Variants in PDXK observed in about 807,000 individuals in gnomAD.
The protein encoded by PDXK is pyridoxal kinase.
A neutral mutation model predicts 43.2 loss-of-function variants in PDXK; 15 were observed. That is an observed-to-expected ratio of 0.35 (90% CI 0.23 to 0.53). The LOEUF is 0.53. PDXK is among the 20% of genes least tolerant of loss of function. PDXK has a pLI of 0.92. For synonymous variants in PDXK, 172 were observed against 165.4 expected, an observed-to-expected ratio of 1.04 and a Z score of -0.31; for missense variants, 343 against 417.0, an observed-to-expected ratio of 0.82 and a Z score of 1.54.
In PDXK at chr21:43,734,138, C is replaced by G. The variant is rs760569401; in HGVS notation, c.142+15C>G. The G allele has an allele frequency of 1.9e-6, 3 of 1,612,704 alleles. No homozygotes were observed. The highest frequency in any genetic ancestry group is 1.7e-6 in the Non-Finnish European group (2 of 1,178,718). ...AAACCACACAGGTAAGGCGTTGGCT[C>G]CAGCAGCTGGCATAGAGCAGACTGT... On this transcript the variant is annotated intron_variant, in intron 2 of 10. Coordinates refer to ENST00000291565, the MANE Select transcript of PDXK (RefSeq NM_003681.5). This position sits in a 1 kb window ranked among gnomAD's most constrained non-coding sequence, Gnocchi z 5.0.
rs897179202 is a variant in PDXK, at chr21:43,757,519, C to G, written c.*1456C>G. The G allele has an allele frequency of 6.6e-6, 1 of 152,246 alleles. No homozygotes were observed. The highest frequency in any genetic ancestry group is 2.4e-5 in the African/African-American group (1 of 41,468). The allele number at this position is 152,246 out of a possible 1,614,324, so 9.4% of individuals were successfully genotyped here. ...GCCCATACCCTCCTGTGAGGCCATTCCAGTGTCTTCTAGAAAGACTCGCTT... is the reference window on the plus strand; with the variant it reads ...GCCCATACCCTCCTGTGAGGCCATTGCAGTGTCTTCTAGAAAGACTCGCTT... On this transcript the variant is annotated 3_prime_UTR_variant, in exon 11 of 11. Coordinates refer to ENST00000291565, the MANE Select transcript of PDXK (RefSeq NM_003681.5).
At chr21:43,748,703 C>T (rs946233850) in intron 5 of PDXK, among the ~76,000 whole-genome samples, 2 of 152,138 alleles carry the variant, frequency 1.3e-5, no homozygotes, top group African/African-American at 4.8e-5. Flanking sequence ...TCCCTCCCTC[C>T]CTCTCTCCTT....
At position 43,737,177 on chromosome 21, in the gene PDXK, G is replaced by A; in HGVS notation, c.142+3054G>A. 1 of 1,452,608 alleles carries A rather than the reference G, an allele frequency of 6.9e-7. No individual in the cohort carries two copies. The highest frequency in any genetic ancestry group is 1.4e-5 in the South Asian group (1 of 70,498). The allele number at this position is 1,452,608 out of a possible 1,614,324, so 90.0% of individuals were successfully genotyped here. ...GCCACAAAGCCAGACTCCCGGCAGG[G>A]ACACGGGTGTTCCACACAAGCTGCG... On this transcript the variant is annotated intron_variant, in intron 2 of 10. Coordinates refer to ENST00000291565, the MANE Select transcript of PDXK (RefSeq NM_003681.5). The surrounding 1 kb of genome is among the most constrained non-coding windows in gnomAD (Gnocchi z 4.8).
At chr21:43,750,847 T>TGC (rs71197857) in intron 7 of PDXK, among the ~76,000 whole-genome samples, 13,153 of 151,596 alleles carry the variant, frequency 0.087, 630 homozygotes, top group Non-Finnish European at 0.11. Flanking sequence ...CGTGTGTGTG[T>TGC]GCACATGTGC....
intron 7 of PDXK, 25 bp downstream of exon 7, chr21:43,750,570 G>T (rs751359279): frequency 6.3e-7 from 1 of 1,597,736 alleles, no homozygotes; most frequent in Middle Eastern, 1.7e-4. Flanking sequence ...TGGGGCCTGT[G>T]CGGGGCACAT....
At chr21:43,744,838 A>G (rs1259600826) in intron 4 of PDXK, among the ~76,000 whole-genome samples, 1 of 152,234 alleles carries the variant, frequency 6.6e-6, no homozygotes, top group African/African-American at 2.4e-5. Flanking sequence ...CGTTGTTCCC[A>G]GTGACCAAAT....
At position 43,753,017 on chromosome 21, in the gene PDXK, G is replaced by A. The variant is rs148790594; in HGVS notation, c.622+388G>A. ...GCCATGCACTAAGCTAGTGGCCGCGGGTTCATACCCATGGGCCCAAAAGAA... is the reference window on the plus strand; with the variant it reads ...GCCATGCACTAAGCTAGTGGCCGCGAGTTCATACCCATGGGCCCAAAAGAA... On this transcript the variant is annotated intron_variant, in intron 8 of 10. Coordinates refer to ENST00000291565, the MANE Select transcript of PDXK (RefSeq NM_003681.5). 2.5e-3 allele frequency among the ~76,000 whole-genome samples: 386 copies of A among 152,328 alleles called. 2 individuals carry two copies. Among genetic ancestry groups the A allele is most frequent in the African/African-American group, 9.0e-3 (374 of 41,568 alleles).
At chr21:43,722,516 A>C (rs958257933) in intron 1 of PDXK, among the ~76,000 whole-genome samples, 2 of 152,224 alleles carry the variant, frequency 1.3e-5, no homozygotes, top group African/African-American at 4.8e-5. Context: ...GTTTGCCCGG[A>C]CTGCCAAAAC....
In PDXK at chr21:43,732,405, C is replaced by G. The variant is rs199919907; in HGVS notation, c.88-1664C>G. On this transcript the variant is annotated intron_variant, in intron 1 of 10. Coordinates refer to ENST00000291565, the MANE Select transcript of PDXK (RefSeq NM_003681.5). This position sits in a 1 kb window ranked among gnomAD's most constrained non-coding sequence, Gnocchi z 4.1. ...GGGTAGACTCTGGAAGCGTCCAGAC[C>G]AGCTTGCGATGCTGATGAATAAGCT... is the stretch of plus-strand genomic sequence containing the variant. 2 of 1,612,858 alleles carry G rather than the reference C, an allele frequency of 1.2e-6. No individual in the cohort carries two copies. The highest frequency in any genetic ancestry group is 2.2e-5 in the East Asian group (1 of 44,888).
At chr21:43,726,270 C>CTTTTTTTTTTTTTT (rs1182376121) in intron 1 of PDXK, among the ~76,000 whole-genome samples, 69 of 116,816 alleles carry the variant, frequency 5.9e-4, no homozygotes, top group East Asian at 1.1e-3. Context: ...TTTTCTTTTT[C>CTTTTTTTTTTTTTT]TTTTTTTTTT....
At position 43,735,289 on chromosome 21, in the gene PDXK, T is replaced by C. The variant is rs2083384277; in HGVS notation, c.142+1166T>C. ...TTTTTCAGTGAGTGAGCTGGCCGGCTTGGACACTAAAGCAGGGTGTTGAGT... is the reference window on the plus strand; with the variant it reads ...TTTTTCAGTGAGTGAGCTGGCCGGCCTGGACACTAAAGCAGGGTGTTGAGT... On this transcript the variant is annotated intron_variant, in intron 2 of 10. Transcript: ENST00000291565. The surrounding 1 kb of genome is among the most constrained non-coding windows in gnomAD (Gnocchi z 5.3). Among the ~76,000 whole-genome samples, 1 of 152,214 alleles carries C rather than the reference T, an allele frequency of 6.6e-6. No individual in the cohort carries two copies. Among genetic ancestry groups the C allele is most frequent in the Admixed American group, 6.5e-5 (1 of 15,290 alleles).
intron 4 of PDXK, 89 bp from the exon 5 acceptor site, chr21:43,745,990 C>G: frequency 9.6e-7 from 1 of 1,037,862 alleles, no homozygotes; most frequent in Non-Finnish European, 1.5e-6. Context: ...GAGCAAGACC[C>G]TGTCTTAAAA....
intron 1 of PDXK, 127 bp downstream of exon 1, chr21:43,719,508 C>A: frequency 7.5e-7 from 1 of 1,325,626 alleles, no homozygotes; most frequent in South Asian, 1.5e-5. Context: ...CGCGGGCGCC[C>A]TGGAGGCAGG....
chr21:43,738,047 C>G (rs2083434089), intron 2 of PDXK: 1 of 985,390 alleles, frequency 1.0e-6, no homozygotes, highest in Non-Finnish European at 1.2e-6. Flanking sequence ...CTGGACGTCT[C>G]CCCTTCCTCA....
chr21:43,736,388 C>G (rs999260975), intron 2 of PDXK, among the ~76,000 whole-genome samples: 2 of 152,196 alleles, frequency 1.3e-5, no homozygotes, highest in Non-Finnish European at 2.9e-5. Context: ...AGGACCAGCT[C>G]ACGCCCTGTG....
intron 4 of PDXK, among the ~76,000 whole-genome samples, chr21:43,745,344 C>T (rs143483161): frequency 0.085 from 12,783 of 151,108 alleles, 803 homozygotes; most frequent in East Asian, 0.21. Context: ...CACTTGAACC[C>T]GGGAGGCGGA....
chr21:43,719,172 G>A lies in PDXK; in HGVS notation c.-123G>A, dbSNP rs911413689. 3.5e-4 allele frequency: 143 copies of A among 407,082 alleles called. No individual in the cohort carries two copies. Among genetic ancestry groups the A allele is most frequent in the Middle Eastern group, 2.8e-3 (4 of 1,410 alleles). The allele number at this position is 407,082 out of a possible 1,614,324, so 25.2% of individuals were successfully genotyped here. A position where few individuals can be genotyped will look rare whatever the true frequency, so the allele number is the denominator to read the frequency against. On this transcript the variant is annotated 5_prime_UTR_variant, in exon 1 of 11. Transcript: ENST00000291565. ...CGCTGATCGGGTCCGCCGCGCGCCA[G>A]AGCCAGAGTCGCAGCCGAGGGGAGC... is the stretch of plus-strand genomic sequence containing the variant.
chr21:43,722,920 C>T (rs192301318), intron 1 of PDXK, among the ~76,000 whole-genome samples: 1 of 152,360 alleles, frequency 6.6e-6, no homozygotes. Context: ...TCACTGCAAG[C>T]TCTGCCTCCC....
At chr21:43,736,436 G>A (rs1171570378) in intron 2 of PDXK, among the ~76,000 whole-genome samples, 2 of 152,088 alleles carry the variant, frequency 1.3e-5, no homozygotes, top group Admixed American at 1.3e-4. Flanking sequence ...GCAGCCGTGC[G>A]GACACTCGGG....
Sources: gnomAD v4.1 joint callset for allele counts (sites outside exome capture counted in the v4.1 genomes callset) on GRCh38, gnomAD v4.1.1 for gene constraint, Gnocchi (gnomAD v3.1) non-coding constraint, MANE v1.5 for transcripts, NCBI Gene and HGNC (gene_info 2026-07-23, HGNC 2026-07-21) for gene names.